Variants in GRM8 observed in about 807,000 individuals in gnomAD.
The protein encoded by GRM8 is glutamate metabotropic receptor 8.
Under a neutral mutation model 87.2 loss-of-function variants are expected in GRM8, and 47 were observed. The observed-to-expected ratio is 0.54, with a 90% CI of 0.43 to 0.69. GRM8 has a LOEUF of 0.69. Ranked by LOEUF, GRM8 falls within the 30% of genes least tolerant of loss-of-function variation. The probability of loss-of-function intolerance (pLI) is 0.00; values close to 1 mark genes in which losing one functional copy is unlikely to be tolerated. For synonymous variants in GRM8, 396 were observed against 404.5 expected (o/e 0.98, Z 0.25); for missense variants, 1,019 against 1,139.2 (o/e 0.89, Z 1.52).
chr7:126,689,408 A>G (rs1808550748), intron 7 of GRM8, among the ~76,000 whole-genome samples: 1 of 152,248 alleles, frequency 6.6e-6, no homozygotes, highest in Non-Finnish European at 1.5e-5. Context: ...GCAAGATAAT[A>G]TATTTAAAAT....
intron 8 of GRM8, among the ~76,000 whole-genome samples, chr7:126,546,456 A>G (rs1817171077): frequency 6.6e-6 from 1 of 152,194 alleles, no homozygotes; most frequent in South Asian, 2.1e-4. Context: ...CAGAGGAGAT[A>G]GGAGACAGTG....
At chr7:127,086,315 T>A (rs941562495) in intron 3 of GRM8, among the ~76,000 whole-genome samples, 1 of 152,194 alleles carries the variant, frequency 6.6e-6, no homozygotes. Flanking sequence ...TTAGCCAGGA[T>A]GGTCTCGATC....
intron 3 of GRM8, among the ~76,000 whole-genome samples, chr7:127,075,773 T>C (rs1226593682): frequency 6.6e-6 from 1 of 152,118 alleles, no homozygotes; most frequent in Non-Finnish European, 1.5e-5. Context: ...TAGCCAGCAC[T>C]AACCACCTGG....
chr7:126,924,544 T>A (rs1804886571), intron 3 of GRM8, among the ~76,000 whole-genome samples: 1 of 152,202 alleles, frequency 6.6e-6, no homozygotes, highest in South Asian at 2.1e-4. Context: ...TCCACAATCC[T>A]CACATGGGTG....
intron 8 of GRM8, among the ~76,000 whole-genome samples, chr7:126,586,931 T>C (rs974236809): frequency 3.3e-5 from 5 of 152,050 alleles, no homozygotes; most frequent in African/African-American, 1.2e-4. Flanking sequence ...AATCTACTCA[T>C]CTGACAAAGG....
chr7:126,533,917 C>T (rs182847802), intron 8 of GRM8, 30 bp from the exon 9 acceptor site: 44 of 1,501,660 alleles, frequency 2.9e-5, no homozygotes, highest in Admixed American at 2.7e-4. Context: ...ATGAGCCTTC[C>T]ATTTTTCCCC....
At chr7:126,878,818 C>T (rs1799763362) in intron 6 of GRM8, among the ~76,000 whole-genome samples, 1 of 151,828 alleles carries the variant, frequency 6.6e-6, no homozygotes. Context: ...TGAGCCACTG[C>T]ACCCAGCCTT....
intron 7 of GRM8, among the ~76,000 whole-genome samples, chr7:126,652,036 C>T (rs1325498586): frequency 6.6e-6 from 1 of 152,186 alleles, no homozygotes; most frequent in African/African-American, 2.4e-5. Context: ...ACCATGTGAC[C>T]AGTTGCAGAA....
chr7:126,846,446 C>A (rs1796718844), intron 6 of GRM8, among the ~76,000 whole-genome samples: 1 of 152,170 alleles, frequency 6.6e-6, no homozygotes, highest in African/African-American at 2.4e-5. Context: ...GTTGTCTAAG[C>A]AACATTATAG....
chr7:127,036,440 C>T (rs1042214243), intron 3 of GRM8, among the ~76,000 whole-genome samples: 2 of 152,178 alleles, frequency 1.3e-5, no homozygotes, highest in Non-Finnish European at 2.9e-5. Flanking sequence ...CTCATGGCTA[C>T]CCAATCTGTA....
At chr7:126,555,521 A>T (rs188402346) in intron 8 of GRM8, among the ~76,000 whole-genome samples, 15 of 146,670 alleles carry the variant, frequency 1.0e-4, no homozygotes, top group Non-Finnish European at 2.2e-4. Flanking sequence ...CAATTACCAC[A>T]AATACCTGCA....
chr7:126,785,595 G>T (rs956278550), intron 6 of GRM8, among the ~76,000 whole-genome samples: 2 of 152,022 alleles, frequency 1.3e-5, no homozygotes, highest in Non-Finnish European at 2.9e-5. Flanking sequence ...TTTCTTAAAA[G>T]ACCCGGGTCT....
intron 6 of GRM8, among the ~76,000 whole-genome samples, chr7:126,834,873 G>A (rs750530729): frequency 1.3e-5 from 2 of 152,080 alleles, no homozygotes; most frequent in Non-Finnish European, 2.9e-5. Flanking sequence ...CAAGCTGAGA[G>A]GATTGCTTGA....
intron 3 of GRM8, among the ~76,000 whole-genome samples, chr7:126,935,543 G>T (rs1191076390): frequency 6.6e-6 from 1 of 152,180 alleles, no homozygotes; most frequent in African/African-American, 2.4e-5. Context: ...CATGGGGGAG[G>T]AGAAGAACAA....
At chr7:126,656,686 A>C (rs1404084811) in intron 7 of GRM8, among the ~76,000 whole-genome samples, 1 of 151,696 alleles carries the variant, frequency 6.6e-6, no homozygotes, top group African/African-American at 2.4e-5. Context: ...AAAAATAAAA[A>C]AACAAAAGAC....
At chr7:127,103,092 C>T (rs911587182) in intron 3 of GRM8, among the ~76,000 whole-genome samples, 9 of 152,216 alleles carry the variant, frequency 5.9e-5, no homozygotes, top group Admixed American at 5.2e-4. Context: ...CAAACTCCAC[C>T]TCAGCCCCCC....
chr7:126,499,199 C>T (rs1562886239), intron 9 of GRM8, among the ~76,000 whole-genome samples: 1 of 147,956 alleles, frequency 6.8e-6, no homozygotes, highest in African/African-American at 2.6e-5. Flanking sequence ...CTGCAAACTA[C>T]ATTTTTTTTT....
At chr7:126,938,314 T>C (rs1806552438) in intron 3 of GRM8, among the ~76,000 whole-genome samples, 1 of 152,190 alleles carries the variant, frequency 6.6e-6, no homozygotes, top group Admixed American at 6.5e-5. Context: ...CCTGAGTTTC[T>C]GGTGACTTCA....
intron 3 of GRM8, among the ~76,000 whole-genome samples, chr7:126,906,451 G>C (rs556053104): frequency 6.6e-6 from 1 of 152,190 alleles, no homozygotes; most frequent in East Asian, 1.9e-4. Flanking sequence ...GAGTAACTGG[G>C]ATTACTCTGC....
Sources: allele counts gnomAD v4.1 joint callset (sites outside exome capture counted in the v4.1 genomes callset), GRCh38; gene constraint gnomAD v4.1.1; transcripts MANE v1.5; gene names NCBI Gene and HGNC (gene_info 2026-07-23, HGNC 2026-07-21).